The following DENND1A variants were observed in gnomAD, a reference collection of about 807,000 sequenced individuals.
DENND1A encodes DENN domain-containing protein 1A.
Under a neutral mutation model 113.7 loss-of-function variants are expected in DENND1A, and 51 were observed. The observed-to-expected ratio is 0.45, with a 90% CI of 0.36 to 0.57. The LOEUF is 0.57. Ranked by LOEUF, DENND1A falls within the 20% of genes least tolerant of loss-of-function variation. The pLI, the probability that DENND1A is intolerant of heterozygous loss-of-function variation, is 0.00. For missense variants in DENND1A, 1,258 were observed against 1,395.9 expected, an observed-to-expected ratio of 0.90 and a Z score of 1.57; for synonymous variants, 565 against 570.8, an observed-to-expected ratio of 0.99 and a Z score of 0.14.
chr9:123,565,018 CACTT>C (rs1442703522), intron 12 of DENND1A, among the ~76,000 whole-genome samples: 3 of 119,042 alleles, frequency 2.5e-5, no homozygotes, highest in African/African-American at 6.1e-5. Context: ...GATGGAGTCT[CACTT>C]ACTCTGTTGC....
intron 2 of DENND1A, chr9:123,798,230 C>T (rs1834064089): frequency 1.3e-5 from 2 of 152,154 alleles, no homozygotes. Flanking sequence ...ACACAAATAA[C>T]ATTATTCAAG....
At chr9:123,917,317 C>A (rs529169952) in intron 1 of DENND1A, among the ~76,000 whole-genome samples, 1 of 152,214 alleles carries the variant, frequency 6.6e-6, no homozygotes, top group South Asian at 2.1e-4. Context: ...ACCCTAACGA[C>A]CAAAAGAACT....
chr9:123,511,913 C>A (rs1019741634), intron 13 of DENND1A, among the ~76,000 whole-genome samples: 1 of 152,192 alleles, frequency 6.6e-6, no homozygotes, highest in Non-Finnish European at 1.5e-5. Context: ...TTATCAGGGT[C>A]TCGTGACTTG....
intron 2 of DENND1A, among the ~76,000 whole-genome samples, chr9:123,827,054 T>C (rs986960458): frequency 8.5e-5 from 13 of 152,286 alleles, no homozygotes; most frequent in East Asian, 5.8e-4. Flanking sequence ...TTGTAATGTA[T>C]GACAAATTCC....
At chr9:123,715,162 T>C (rs113881455) in intron 5 of DENND1A, among the ~76,000 whole-genome samples, 31,224 of 151,964 alleles carry the variant, frequency 0.21, 3,455 homozygotes, top group African/African-American at 0.29. Context: ...TCAGCCTGGG[T>C]GACAGAGACT....
intron 5 of DENND1A, among the ~76,000 whole-genome samples, chr9:123,733,671 T>TTTA (rs1554724152): frequency 1.8e-4 from 16 of 90,302 alleles, no homozygotes; most frequent in African/African-American, 8.8e-4. Flanking sequence ...TTGTTGGTTA[T>TTTA]TTTTTTTTTT....
In DENND1A at chr9:123,815,623, T is replaced by C. The variant is rs537828013; in HGVS notation, c.89-22993A>G. On this transcript the variant is annotated intron_variant, in intron 2 of 23. Transcript: ENST00000394215. ...ATATTCTCAATAAGTTAAGTTCTAA[T>C]AGCTGAGAAAGGAAGGGGTAAAAAT... 2.0e-5 allele frequency among the ~76,000 whole-genome samples: 3 copies of C among 152,336 alleles called. No homozygotes were observed. In the South Asian group the frequency reaches 6.2e-4, roughly 32 times the overall value.
At chr9:123,545,126 A>G (rs2056573715) in intron 13 of DENND1A, among the ~76,000 whole-genome samples, 1 of 151,898 alleles carries the variant, frequency 6.6e-6, no homozygotes, top group Non-Finnish European at 1.5e-5. Context: ...AACTATGACA[A>G]CTTCATTCAT....
At chr9:123,723,211 A>G (rs2067463678) in intron 5 of DENND1A, among the ~76,000 whole-genome samples, 1 of 152,132 alleles carries the variant, frequency 6.6e-6, no homozygotes, top group Non-Finnish European at 1.5e-5. Context: ...GTTTTGGCCA[A>G]TTTCTCCCAT....
At chr9:123,657,292 C>T (rs1377989749) in intron 8 of DENND1A, among the ~76,000 whole-genome samples, 1 of 152,112 alleles carries the variant, frequency 6.6e-6, no homozygotes, top group Admixed American at 6.5e-5. Flanking sequence ...CTTATAATGG[C>T]TGCTCCCTTC....
chr9:123,614,351 G>A (rs1353534836), intron 10 of DENND1A, among the ~76,000 whole-genome samples: 2 of 152,182 alleles, frequency 1.3e-5, no homozygotes, highest in Non-Finnish European at 2.9e-5. Context: ...CTGTGATGCT[G>A]AGCGCTTCTC....
chr9:123,399,185 G>A (rs1038261030), intron 21 of DENND1A, among the ~76,000 whole-genome samples: 2 of 152,130 alleles, frequency 1.3e-5, no homozygotes, highest in African/African-American at 4.8e-5. Flanking sequence ...AGCACGTGAG[G>A]ATAATTAGGT....
At chr9:123,411,638 A>G in intron 20 of DENND1A, 138 bp downstream of exon 20, 2 of 397,172 alleles carry the variant, frequency 5.0e-6, no homozygotes, top group South Asian at 1.0e-4. Flanking sequence ...CATGCCACAC[A>G]GAGAGGGAAG....
chr9:123,755,672 C>T (rs1023366818), intron 5 of DENND1A, among the ~76,000 whole-genome samples: 5 of 152,180 alleles, frequency 3.3e-5, no homozygotes, highest in East Asian at 1.9e-4. Flanking sequence ...TCTTCTTCCT[C>T]GGTGTGAAGA....
intron 15 of DENND1A, among the ~76,000 whole-genome samples, chr9:123,455,908 G>A (rs971534128): frequency 1.3e-5 from 2 of 152,100 alleles, no homozygotes; most frequent in Non-Finnish European, 2.9e-5. Flanking sequence ...TAGTCTAACC[G>A]CAGCGAAATG....
chr9:123,670,851 G>T (rs1360447111), intron 7 of DENND1A, among the ~76,000 whole-genome samples: 3 of 152,190 alleles, frequency 2.0e-5, no homozygotes, highest in Non-Finnish European at 4.4e-5. Context: ...AGTTCTGAAG[G>T]ATGAATATGT....
intron 13 of DENND1A, among the ~76,000 whole-genome samples, chr9:123,478,944 G>A (rs756899136): frequency 2.0e-5 from 3 of 152,236 alleles, no homozygotes. Flanking sequence ...GGTATTAAAA[G>A]TGAGTGATAA....
chr9:123,780,818 G>T (rs561626912), intron 3 of DENND1A, among the ~76,000 whole-genome samples: 1 of 152,166 alleles, frequency 6.6e-6, no homozygotes, highest in Non-Finnish European at 1.5e-5. Flanking sequence ...GGCTGTGGGT[G>T]AGGGGGTTAA....
At chr9:123,442,945 C>T (rs1368294955) in intron 18 of DENND1A, among the ~76,000 whole-genome samples, 2 of 152,148 alleles carry the variant, frequency 1.3e-5, no homozygotes, top group African/African-American at 4.8e-5. Context: ...AATTGAACCT[C>T]AATTTGCAAA....
Sources: allele counts gnomAD v4.1 joint callset (sites outside exome capture counted in the v4.1 genomes callset), GRCh38; gene constraint gnomAD v4.1.1; transcripts MANE v1.5; gene names NCBI Gene and HGNC (gene_info 2026-07-23, HGNC 2026-07-21).